NCAPD3: variants seen among roughly 807,000 people sequenced by gnomAD.
The protein encoded by NCAPD3 is non-SMC condensin II complex subunit D3, also known as condensin-2 complex subunit D3.
NCAPD3 carries 105 observed loss-of-function variants against 182.9 expected under a neutral mutation model. That is an observed-to-expected ratio of 0.57 (90% CI 0.49 to 0.68). NCAPD3 has a LOEUF of 0.68. Among genes scored for constraint, NCAPD3 ranks in the 30% least tolerant of loss-of-function variants. The pLI, the probability that NCAPD3 is intolerant of heterozygous loss-of-function variation, is 0.00. For synonymous variants in NCAPD3, 815 were observed against 679.9 expected (o/e 1.20, Z -3.09); for missense variants, 1,944 against 1,837.0 (o/e 1.06, Z -1.07).
At chr11:134,164,426 G>C (rs1268405272) in intron 27 of NCAPD3, among the ~76,000 whole-genome samples, 1 of 152,274 alleles carries the variant, frequency 6.6e-6, no homozygotes, top group South Asian at 2.1e-4. Flanking sequence ...ACAGGTTTGA[G>C]AATTGTCACC....
At chr11:134,225,027 C>T (rs1465749734), upstream of NCAPD3, 3 of 1,197,074 alleles carry the variant, frequency 2.5e-6, no homozygotes, top group Non-Finnish European at 3.3e-6. Context: ...CGAGCGCGCT[C>T]GCGCATCGGG....
chr11:134,224,024 G>C, upstream of NCAPD3: 1 of 1,449,842 alleles, frequency 6.9e-7, no homozygotes, highest in East Asian at 2.5e-5. Flanking sequence ...ACAACGTACA[G>C]AATTTCCCAC....
chr11:134,188,357 T>C (rs1014021750), intron 16 of NCAPD3, among the ~76,000 whole-genome samples: 4 of 152,134 alleles, frequency 2.6e-5, no homozygotes, highest in African/African-American at 9.7e-5. Context: ...AATGGACCAA[T>C]TAGCAGGACA....
intron 32 of NCAPD3, chr11:134,156,749 T>C (rs1212050504): frequency 3.3e-6 from 1 of 306,358 alleles, no homozygotes; most frequent in Non-Finnish European, 6.1e-6. Context: ...TCACCCAACC[T>C]ACCTGTGCCT....
At chr11:134,156,842 G>A (rs1943434324) in intron 32 of NCAPD3, 176 bp downstream of exon 32, 1 of 560,640 alleles carries the variant, frequency 1.8e-6, no homozygotes, top group Admixed American at 3.2e-5. Flanking sequence ...CTCGGTCAGT[G>A]CTCATGGATC....
At chr11:134,160,445 A>G (rs1014126807) in intron 28 of NCAPD3, among the ~76,000 whole-genome samples, 7 of 152,104 alleles carry the variant, frequency 4.6e-5, no homozygotes, top group South Asian at 2.1e-4. Context: ...CAGGTTCCCA[A>G]TGGGAGAAAG....
intron 23 of NCAPD3, 68 bp downstream of exon 23, chr11:134,177,151 A>T: frequency 8.3e-7 from 1 of 1,204,046 alleles, no homozygotes; most frequent in Non-Finnish European, 1.2e-6. Context: ...TTCCTATGCT[A>T]CTCAAATATT....
rs770341081 is a variant in NCAPD3, at chr11:134,184,808, T to TAC, written c.2336-57_2336-56insGT. ...AACTGCTTAAATATATTCAGGTATA[T>TAC]ATACACACACACACACACACACACA... On this transcript the variant is annotated intron_variant, in intron 18 of 34. Coordinates refer to ENST00000534548, the MANE Select transcript of NCAPD3 (RefSeq NM_015261.3). The TAC allele has an allele frequency of 4.1e-3, 3,900 of 949,398 alleles. 2 individuals are homozygous for TAC. Among genetic ancestry groups the TAC allele is most frequent in the Admixed American group, 6.3e-3 (288 of 45,430 alleles). The allele number at this position is 949,398 out of a possible 1,614,324, so 58.8% of individuals were successfully genotyped here.
chr11:134,190,778 T>C (rs1944508371), intron 16 of NCAPD3, among the ~76,000 whole-genome samples: 1 of 152,196 alleles, frequency 6.6e-6, no homozygotes, highest in African/African-American at 2.4e-5. Context: ...ACATCCCTCA[T>C]AGATGGCCCT....
In NCAPD3 at chr11:134,168,555, C is replaced by T. The variant is rs1943926024; in HGVS notation, c.3287G>A (p.Arg1096Gln). 6.2e-7 allele frequency: 1 copy of T among 1,614,124 alleles called. No individual in the cohort carries two copies. Among genetic ancestry groups the T allele is most frequent in the Non-Finnish European group, 8.5e-7 (1 of 1,180,018 alleles). Residue 1096 changes from arginine (R) to glutamine (Q), a missense_variant, in exon 26 of 35, where the codon CGA becomes CAA. Physicochemically the swap from Arg to Gln is conservative, Grantham distance 43. This residue lies in a region of NCAPD3 where 1,803 missense variants were observed against 1,674.6 expected (regional missense o/e 1.08). Transcript: ENST00000534548. ...TAGAAGAAATTTGTAGATTTTCATT[C>T]GTCTCTCTTTGTTTGACTTTCCCTT... ...SLKGKSNKER[R>Q]MKIYKFLLEH... is the part of the protein sequence containing the mutation.
intron 24 of NCAPD3, among the ~76,000 whole-genome samples, chr11:134,171,249 T>C (rs906899418): frequency 6.6e-6 from 1 of 152,164 alleles, no homozygotes; most frequent in African/African-American, 2.4e-5. Flanking sequence ...GCACGAATTA[T>C]ATGGAACACA....
Position 134,150,186 on chromosome 11 carries a change from C to A in NCAPD3, c.*2758G>T, listed in dbSNP as rs996814023. ...AGCCTTTTTCACAAGGGAACTCATACTGTCTACACATCAGACCATAGTTGC... is the reference window on the plus strand; with the variant it reads ...AGCCTTTTTCACAAGGGAACTCATAATGTCTACACATCAGACCATAGTTGC... On this transcript the variant is annotated 3_prime_UTR_variant, in exon 35 of 35. Coordinates refer to ENST00000534548, the MANE Select transcript of NCAPD3 (RefSeq NM_015261.3). 2.0e-5 allele frequency: 3 copies of A among 153,782 alleles called. No homozygotes were observed. The allele number at this position is 153,782 out of a possible 1,614,324, so 9.5% of individuals were successfully genotyped here. A position where few individuals can be genotyped will look rare whatever the true frequency, so the allele number is the denominator to read the frequency against.
At chr11:134,183,398 T>C (rs1190416085) in intron 19 of NCAPD3, among the ~76,000 whole-genome samples, 3 of 152,030 alleles carry the variant, frequency 2.0e-5, no homozygotes, top group Non-Finnish European at 4.4e-5. Flanking sequence ...TGAAACCCTG[T>C]CTCTACTAAA....
chr11:134,164,532 G>A (rs181161686), intron 27 of NCAPD3, among the ~76,000 whole-genome samples: 2 of 152,258 alleles, frequency 1.3e-5, no homozygotes, highest in African/African-American at 4.8e-5. Flanking sequence ...TAGATGGTGA[G>A]AAGAGTGGGA....
chr11:134,158,399 C>T lies in NCAPD3; in HGVS notation c.3964G>A (p.Ala1322Thr). ...VSQPCTPRAS[A>T]GHVAVSSPTP... ...GGAGATGATACTGCTACATGGCCAG[C>T]ACTTGCCCTGGGTGTGCAGGGCTGG... is the stretch of plus-strand genomic sequence containing the variant. Residue 1322 changes from alanine to threonine, a missense_variant, in exon 30 of 35, where the codon GCT (alanine) becomes ACT (threonine). Transcript: ENST00000534548. 2 of 1,614,220 alleles carry T rather than the reference C, an allele frequency of 1.2e-6. No homozygotes were observed. Among genetic ancestry groups the T allele is most frequent in the Non-Finnish European group, 8.5e-7 (1 of 1,180,036 alleles).
At chr11:134,214,756 A>G (rs771215190) in intron 3 of NCAPD3, among the ~76,000 whole-genome samples, 1 of 152,220 alleles carries the variant, frequency 6.6e-6, no homozygotes, top group Admixed American at 6.5e-5. Context: ...TCTTTCAAAA[A>G]ACTCCAGGCC....
rs759303536 is a variant in NCAPD3, at chr11:134,168,562, CTT to C, written c.3278_3279del (p.Lys1093ArgfsTer17). 41 of 1,613,984 alleles carry C rather than the reference CTT, an allele frequency of 2.5e-5. No individual in the cohort carries two copies. Among genetic ancestry groups the C allele is most frequent in the Admixed American group, 3.3e-5 (2 of 60,010 alleles). On this transcript the variant is annotated frameshift_variant, in exon 26 of 35. Transcript: ENST00000534548. LOFTEE classifies it high-confidence loss of function. ...RLFSLKGKSN[K>X]ERRMKIYKFL... ...AATTTGTAGATTTTCATTCGTCTCT[CTT>C]TGTTTGACTTTCCCTTCAATGAAAA...
intron 24 of NCAPD3, among the ~76,000 whole-genome samples, chr11:134,169,435 G>C (rs1032282937): frequency 2.6e-5 from 4 of 152,218 alleles, no homozygotes; most frequent in Admixed American, 2.6e-4. Flanking sequence ...CACCAGAAAA[G>C]GGATATCTGG....
intron 31 of NCAPD3, among the ~76,000 whole-genome samples, chr11:134,157,452 T>G (rs1463192165): frequency 6.6e-6 from 1 of 152,198 alleles, no homozygotes; most frequent in African/African-American, 2.4e-5. Context: ...TGATAGTATT[T>G]GTATGGAAAA....
Sources: allele counts gnomAD v4.1 joint callset (sites outside exome capture counted in the v4.1 genomes callset), GRCh38; gene constraint gnomAD v4.1.1; regional missense constraint gnomAD v4.1.1; transcripts MANE v1.5; gene names NCBI Gene and HGNC (gene_info 2026-07-23, HGNC 2026-07-21).